Variants in CACNB4 observed in about 807,000 individuals in gnomAD.
CACNB4 encodes the protein calcium voltage-gated channel auxiliary subunit beta 4, also known as voltage-dependent L-type calcium channel subunit beta-4.
CACNB4 carries 32 observed loss-of-function variants against 71.2 expected under a neutral mutation model. That is an observed-to-expected ratio of 0.45 (90% CI 0.34 to 0.60). CACNB4 has a LOEUF of 0.60. Ranked by LOEUF, CACNB4 falls within the 20% of genes least tolerant of loss-of-function variation. CACNB4 has a pLI of 0.01. For missense variants in CACNB4, 464 were observed against 647.9 expected, an observed-to-expected ratio of 0.72 and a Z score of 3.08; for synonymous variants, 231 against 236.9, an observed-to-expected ratio of 0.97 and a Z score of 0.23.
chr2:151,869,538 G>A (rs755092119), intron 8 of CACNB4: 4 of 259,072 alleles, frequency 1.5e-5, no homozygotes, highest in African/African-American at 2.2e-5. Flanking sequence ...GAGACAACAG[G>A]CTGGCTTTGT....
intron 2 of CACNB4, among the ~76,000 whole-genome samples, chr2:152,012,033 C>T: frequency 6.6e-6 from 1 of 150,536 alleles, no homozygotes. Context: ...AACTGTGTTT[C>T]TGGTTTATAT....
chr2:152,065,917 T>C (rs1259619479), intron 2 of CACNB4, among the ~76,000 whole-genome samples: 1 of 152,172 alleles, frequency 6.6e-6, no homozygotes, highest in Admixed American at 6.5e-5. Flanking sequence ...TAAGGGGGTA[T>C]AATATTTTTA....
At chr2:152,022,341 G>A (rs570901306) in intron 2 of CACNB4, among the ~76,000 whole-genome samples, 2 of 152,346 alleles carry the variant, frequency 1.3e-5, no homozygotes, top group African/African-American at 4.8e-5. Context: ...TGGAGGGAAT[G>A]TGAAACCAAT....
chr2:151,907,460 C>T (rs2099855106), intron 2 of CACNB4, among the ~76,000 whole-genome samples: 1 of 151,966 alleles, frequency 6.6e-6, no homozygotes, highest in African/African-American at 2.4e-5. Flanking sequence ...TCCCATATAC[C>T]CTTCACCCAG....
At chr2:152,039,415 CA>C (rs34058095) in intron 2 of CACNB4, among the ~76,000 whole-genome samples, 145 of 137,500 alleles carry the variant, frequency 1.1e-3, no homozygotes, top group Admixed American at 1.1e-3. Flanking sequence ...GACTCTGTCT[CA>C]AAAAAAAAAA....
intron 2 of CACNB4, among the ~76,000 whole-genome samples, chr2:151,954,513 T>C (rs561533182): frequency 5.4e-4 from 82 of 152,356 alleles, no homozygotes; most frequent in African/African-American, 1.9e-3. Flanking sequence ...TCTGATTTCC[T>C]GAAATTTGTT....
intron 2 of CACNB4, among the ~76,000 whole-genome samples, chr2:152,036,618 G>GT (rs1002857878): frequency 1.3e-5 from 2 of 152,130 alleles, no homozygotes; most frequent in Non-Finnish European, 2.9e-5. Context: ...TATGTTACAT[G>GT]TTTTTTACCA....
At chr2:151,974,379 G>GA (rs1340073951) in intron 2 of CACNB4, among the ~76,000 whole-genome samples, 4 of 152,018 alleles carry the variant, frequency 2.6e-5, no homozygotes, top group African/African-American at 7.2e-5. Flanking sequence ...CCAATGTGAA[G>GA]AAAAAAATGA....
chr2:151,995,972 A>C (rs1682019544), intron 2 of CACNB4, among the ~76,000 whole-genome samples: 1 of 152,266 alleles, frequency 6.6e-6, no homozygotes, highest in Non-Finnish European at 1.5e-5. Flanking sequence ...CTGCAAAGAG[A>C]AAATCTACTT....
In CACNB4 at chr2:151,895,096, CCACACACACA is replaced by C. The variant is rs58504924; in HGVS notation, c.148-11736_148-11727del. ...ATATGGAACCAGAACTCAAATAGCC[CCACACACACA>C]CACACACACACACACACACACACAC... On this transcript the variant is annotated intron_variant, in intron 2 of 13. Transcript: ENST00000539935. Among the ~76,000 whole-genome samples, 116 of 22,332 alleles carry C rather than the reference CCACACACACA, an allele frequency of 5.2e-3. 3 individuals are homozygous for C. The highest frequency in any genetic ancestry group is 0.015 in the Admixed American group (18 of 1,186). The allele number at this position is 22,332 out of a possible 152,430, so 14.7% of individuals were successfully genotyped here.
At chr2:152,011,094 A>T (rs1683029863) in intron 2 of CACNB4, among the ~76,000 whole-genome samples, 1 of 152,192 alleles carries the variant, frequency 6.6e-6, no homozygotes, top group South Asian at 2.1e-4. Flanking sequence ...CAATACAATG[A>T]AGAACACAGA....
chr2:151,874,481 G>A (rs1449529777), intron 5 of CACNB4, among the ~76,000 whole-genome samples: 16 of 143,316 alleles, frequency 1.1e-4, no homozygotes, highest in South Asian at 2.2e-4. Context: ...AAAAAAAAAA[G>A]AAGAAGTATG....
intron 2 of CACNB4, among the ~76,000 whole-genome samples, chr2:151,911,779 G>A (rs941630666): frequency 6.6e-6 from 1 of 152,130 alleles, no homozygotes; most frequent in Non-Finnish European, 1.5e-5. Flanking sequence ...ATTTCTAGTA[G>A]AATTCAGCTG....
intron 2 of CACNB4, chr2:151,973,112 A>G (rs16830527): frequency 0.099 from 15,156 of 152,624 alleles, 1,693 homozygotes; most frequent in East Asian, 0.58. Context: ...AAGGTAGAGT[A>G]TAGGAACACT....
intron 2 of CACNB4, among the ~76,000 whole-genome samples, chr2:151,926,282 G>A (rs1182928623): frequency 6.6e-6 from 1 of 152,278 alleles, no homozygotes; most frequent in Non-Finnish European, 1.5e-5. Context: ...TTGAAGACAA[G>A]TGAAGAAAAG....
Position 151,870,553 on chromosome 2 carries a change from C to CT in CACNB4, c.676_677insA (p.Gly226GlufsTer19), listed in dbSNP as rs1162942373. 6.2e-7 allele frequency: 1 copy of CT among 1,613,678 alleles called. No homozygotes were observed. ...TACCTCGTAACCTTTCAGTGACGGCCCCACTAACACCACCGGACGCATTGA... is the reference window on the plus strand; with the variant it reads ...TACCTCGTAACCTTTCAGTGACGGCCTCCACTAACACCACCGGACGCATTGA... On this transcript the variant is annotated frameshift_variant, in exon 8 of 14. Coordinates refer to ENST00000539935, the MANE Select transcript of CACNB4 (RefSeq NM_000726.5). LOFTEE classifies it high-confidence loss of function.
intron 12 of CACNB4, among the ~76,000 whole-genome samples, chr2:151,848,326 G>A (rs1473162321): frequency 6.6e-6 from 1 of 152,176 alleles, no homozygotes; most frequent in Admixed American, 6.5e-5. Flanking sequence ...ATCTGAAATT[G>A]ATTACCCCCC....
chr2:151,869,677 T>A (rs2099844096), intron 8 of CACNB4: 1 of 164,228 alleles, frequency 6.1e-6, no homozygotes, highest in Non-Finnish European at 1.3e-5. Flanking sequence ...AAATTCTCCA[T>A]GCCCATGGCT....
At chr2:151,943,680 T>G (rs1034599037) in intron 2 of CACNB4, among the ~76,000 whole-genome samples, 1 of 152,174 alleles carries the variant, frequency 6.6e-6, no homozygotes, top group Non-Finnish European at 1.5e-5. Context: ...TGCCTCATAT[T>G]AGGAGGAGCT....
Sources: allele counts gnomAD v4.1 joint callset (sites outside exome capture counted in the v4.1 genomes callset), GRCh38; gene constraint gnomAD v4.1.1; transcripts MANE v1.5; gene names NCBI Gene and HGNC (gene_info 2026-07-23, HGNC 2026-07-21).